The following SRGAP3 variants were observed in gnomAD, a reference collection of about 807,000 sequenced individuals.
The protein encoded by SRGAP3 is SLIT-ROBO Rho GTPase-activating protein 3.
In SRGAP3, 39 loss-of-function variants were observed where a neutral mutation model predicts 121.1. The ratio of observed to expected loss-of-function variants is 0.32; its 90% CI spans 0.25 to 0.42. The LOEUF is 0.42. SRGAP3 is among the 10% of genes least tolerant of loss of function. The pLI, the probability that SRGAP3 is intolerant of heterozygous loss-of-function variation, is 1.00. For missense variants in SRGAP3, 1,213 were observed against 1,470.6 expected (o/e 0.82, Z 2.86); for synonymous variants, 601 against 570.0 (o/e 1.05, Z -0.77).
chr3:9,177,040 T>A (rs1197665591), intron 1 of SRGAP3, among the ~76,000 whole-genome samples: 2 of 152,240 alleles, frequency 1.3e-5, no homozygotes, highest in Non-Finnish European at 2.9e-5. Flanking sequence ...TTTCCTATTT[T>A]TTCTATCCTG....
At chr3:9,058,647 G>A (rs999441212) in intron 6 of SRGAP3, 175 bp from the exon 7 acceptor site, 138 of 641,288 alleles carry the variant, frequency 2.2e-4, no homozygotes, top group East Asian at 5.8e-4. Flanking sequence ...CCCCTCAAGG[G>A]GAGTTGCGGT....
At chr3:9,172,936 C>A (rs1340888806) in intron 1 of SRGAP3, among the ~76,000 whole-genome samples, 1 of 152,150 alleles carries the variant, frequency 6.6e-6, no homozygotes, top group Non-Finnish European at 1.5e-5. Context: ...ACGCCGCAGG[C>A]AGGAAGGCCA....
intron 1 of SRGAP3, among the ~76,000 whole-genome samples, chr3:9,237,030 T>C (rs969193057): frequency 5.3e-5 from 8 of 152,212 alleles, no homozygotes; most frequent in Admixed American, 6.5e-5. Flanking sequence ...AAGTCATCCA[T>C]TGGGTGGCTC....
intron 1 of SRGAP3, among the ~76,000 whole-genome samples, chr3:9,247,968 G>A (rs138745595): frequency 4.6e-5 from 7 of 152,342 alleles, no homozygotes; most frequent in African/African-American, 9.6e-5. Context: ...ATGAGGATGC[G>A]GCAAGCCCGC....
chr3:9,206,028 A>G (rs532818676), intron 1 of SRGAP3, among the ~76,000 whole-genome samples: 1 of 152,330 alleles, frequency 6.6e-6, no homozygotes, highest in African/African-American at 2.4e-5. Context: ...GGGAAGATGA[A>G]AAAGTTCTGA....
At position 9,262,534 on chromosome 3, in the gene SRGAP3, C is replaced by CAAAAAAAAAAA. The variant is rs765408588; in HGVS notation, n.442+63465_442+63475dup. Among the ~76,000 whole-genome samples the CAAAAAAAAAAA allele has an allele frequency of 5.5e-4, 14 of 25,564 alleles. 1 individual carries two copies. The highest frequency in any genetic ancestry group is 1.1e-3 in the East Asian group (1 of 928). The allele number at this position is 25,564 out of a possible 152,430, so 16.8% of individuals were successfully genotyped here. ...GAAGATTTACCAAGCAAATGGAAAG[C>CAAAAAAAAAAA]AAAAAAAAAAAAAAAAAAAAAAGCA... On this transcript the variant is annotated intron_variant and non_coding_transcript_variant, in intron 3 of 3. Coordinates refer to the SRGAP3 transcript ENST00000490889.
chr3:9,247,086 T>G (rs548066444), intron 1 of SRGAP3, among the ~76,000 whole-genome samples: 206 of 152,340 alleles, frequency 1.4e-3, no homozygotes, highest in African/African-American at 4.6e-3. Flanking sequence ...TCATAAAACC[T>G]GAACTGTCCA....
At chr3:9,252,307 T>G (rs1954035819), upstream of SRGAP3, among the ~76,000 whole-genome samples, 2 of 152,106 alleles carry the variant, frequency 1.3e-5, no homozygotes, top group Admixed American at 6.5e-5. Flanking sequence ...AACTTTTTTT[T>G]TTCTCAAGAT....
intron 1 of SRGAP3, among the ~76,000 whole-genome samples, chr3:9,205,066 G>A (rs1246952038): frequency 1.3e-5 from 2 of 152,132 alleles, no homozygotes; most frequent in Non-Finnish European, 2.9e-5. Context: ...ATCTCCCTTC[G>A]GATCCCAGAC....
chr3:9,077,336 T>A (rs1947020596), intron 4 of SRGAP3, among the ~76,000 whole-genome samples: 2 of 152,142 alleles, frequency 1.3e-5, no homozygotes, highest in South Asian at 4.1e-4. Context: ...TGTGCCCTAC[T>A]GCAGCTCTGG....
rs112029323 is a variant in SRGAP3, at chr3:9,172,086, T to C, written c.68-47169A>G. Among the ~76,000 whole-genome samples the C allele has an allele frequency of 9.6e-3, 1,042 of 108,754 alleles. 28 individuals are homozygous for C. Among genetic ancestry groups the C allele is most frequent in the African/African-American group, 0.027 (995 of 36,442 alleles). The allele number at this position is 108,754 out of a possible 152,430, so 71.3% of individuals were successfully genotyped here. A position where few individuals can be genotyped will look rare whatever the true frequency, so the allele number is the denominator to read the frequency against. On this transcript the variant is annotated intron_variant, in intron 1 of 21. Transcript: ENST00000383836. Reference sequence around the variant, plus strand: ...GATTAGGGCCTTTCCAAATGACTTTTTCTTTTCTTTTTTTTTTTTTTTTTT... The same window carrying C: ...GATTAGGGCCTTTCCAAATGACTTTCTCTTTTCTTTTTTTTTTTTTTTTTT...
intron 3 of SRGAP3, among the ~76,000 whole-genome samples, chr3:9,102,208 C>T (rs904744265): frequency 6.6e-6 from 1 of 152,244 alleles, no homozygotes; most frequent in African/African-American, 2.4e-5. Flanking sequence ...TACTGGATAC[C>T]AGGCCTGGGC....
chr3:9,062,311 C>T (rs1042013729), intron 5 of SRGAP3, among the ~76,000 whole-genome samples: 83 of 152,200 alleles, frequency 5.5e-4, no homozygotes, highest in African/African-American at 2.0e-3. Flanking sequence ...AAATACAACT[C>T]TGAACTAAAA....
At chr3:9,039,112 C>T (rs1227021845) in intron 10 of SRGAP3, among the ~76,000 whole-genome samples, 2 of 152,166 alleles carry the variant, frequency 1.3e-5, no homozygotes, top group South Asian at 4.1e-4. Flanking sequence ...CAAGGATCTC[C>T]TTGAGGCTGA....
In SRGAP3 at chr3:9,121,720, A is replaced by G. The variant is rs185479013; in HGVS notation, c.260+3005T>C. The stretch of plus-strand genomic sequence containing the variant: ...AATAGGGTGCCCCCCCATATCCACA[A>G]TCCCTGCCTTTCTCCTCTCCCTATG... On this transcript the variant is annotated intron_variant, in intron 2 of 21. Transcript: ENST00000383836. Among the ~76,000 whole-genome samples the G allele has an allele frequency of 4.1e-4, 62 of 152,252 alleles. 2 individuals carry two copies. In the East Asian group the frequency reaches 0.01, roughly 26 times the overall value.
intron 3 of SRGAP3, among the ~76,000 whole-genome samples, chr3:9,258,975 G>A (rs1012531252): frequency 3.9e-5 from 6 of 152,124 alleles, no homozygotes; most frequent in African/African-American, 1.2e-4. Flanking sequence ...TTGAATGCAC[G>A]CTCCTCCCCA....
intron 6 of SRGAP3, 195 bp from the exon 7 acceptor site, chr3:9,058,667 G>C: frequency 1.7e-6 from 1 of 598,410 alleles, no homozygotes; most frequent in East Asian, 2.8e-5. Context: ...TTGAGATTTG[G>C]GCAATAGCAG....
intron 1 of SRGAP3, among the ~76,000 whole-genome samples, chr3:9,170,797 C>T (rs753219083): frequency 2.0e-5 from 3 of 152,216 alleles, no homozygotes; most frequent in East Asian, 1.9e-4. Context: ...CCTCAGGCCT[C>T]GGACGCCACA....
chr3:9,324,444 T>G (rs1424420542), intron 3 of SRGAP3, among the ~76,000 whole-genome samples: 1 of 151,844 alleles, frequency 6.6e-6, no homozygotes, highest in South Asian at 2.1e-4. Context: ...AAGGAAAGAA[T>G]AAAGACTGAG....
Sources: gnomAD v4.1 joint callset for allele counts (sites outside exome capture counted in the v4.1 genomes callset) on GRCh38, gnomAD v4.1.1 for gene constraint, MANE v1.5 for transcripts, NCBI Gene and HGNC (gene_info 2026-07-23, HGNC 2026-07-21) for gene names.